Variants in SPAG16 observed in about 807,000 individuals in gnomAD.
SPAG16 encodes sperm associated antigen 16, also known as sperm-associated antigen 16 protein.
In SPAG16, 86 loss-of-function variants were observed where a neutral mutation model predicts 80.4. The observed-to-expected ratio is 1.07, with a 90% CI of 0.90 to 1.28. SPAG16 has a LOEUF of 1.28. SPAG16 is among the 50% of genes most tolerant of loss of function. The pLI, the probability that SPAG16 is intolerant of heterozygous loss-of-function variation, is 0.00. For synonymous variants in SPAG16, 294 were observed against 265.9 expected (o/e 1.11, Z -1.03); for missense variants, 870 against 765.3 (o/e 1.14, Z -1.61).
chr2:213,894,884 G>T (rs1312406648), intron 11 of SPAG16, among the ~76,000 whole-genome samples: 1 of 148,840 alleles, frequency 6.7e-6, no homozygotes, highest in Non-Finnish European at 1.5e-5. Flanking sequence ...CAGATACTTG[G>T]GAGGCTGAGG....
chr2:213,686,385 G>A (rs2064672611), intron 10 of SPAG16, among the ~76,000 whole-genome samples: 1 of 152,044 alleles, frequency 6.6e-6, no homozygotes, highest in African/African-American at 2.4e-5. Flanking sequence ...CAAAGTGCTG[G>A]GATTACAGGC....
intron 9 of SPAG16, among the ~76,000 whole-genome samples, chr2:213,480,745 T>G (rs1281636582): frequency 6.6e-6 from 1 of 152,184 alleles, no homozygotes; most frequent in Admixed American, 6.5e-5. Flanking sequence ...CCTTTGAATA[T>G]TTTTAGGTTT....
At chr2:214,113,715 C>T (rs1379093169) in intron 14 of SPAG16, among the ~76,000 whole-genome samples, 1 of 152,114 alleles carries the variant, frequency 6.6e-6, no homozygotes, top group East Asian at 1.9e-4. Context: ...TCTAGTTAGC[C>T]ATTCATCTAA....
chr2:214,259,369 T>C (rs1690950005), intron 15 of SPAG16, among the ~76,000 whole-genome samples: 1 of 149,840 alleles, frequency 6.7e-6, no homozygotes, highest in Non-Finnish European at 1.5e-5. Flanking sequence ...ATATAATATA[T>C]ATGTATATAA....
In SPAG16 at chr2:213,408,069, G is replaced by GGA. The variant is rs1219696815; in HGVS notation, c.942+32959_942+32960dup. Among the ~76,000 whole-genome samples, 3 of 150,940 alleles carry GGA rather than the reference G, an allele frequency of 2.0e-5. No homozygotes were observed. The East Asian group carries it at 5.8e-4, about 29-fold the overall frequency. On this transcript the variant is annotated intron_variant, in intron 9 of 15. Transcript: ENST00000331683. The stretch of plus-strand genomic sequence containing the variant: ...AGACAGGCAGAGAGAGGGAGAGGCA[G>GGA]GAGAGAGAGAAAGAGAAAAATAGAA...
intron 9 of SPAG16, among the ~76,000 whole-genome samples, chr2:213,404,386 C>T (rs1040788336): frequency 6.6e-6 from 1 of 152,036 alleles, no homozygotes; most frequent in Non-Finnish European, 1.5e-5. Flanking sequence ...CAGAACAGAG[C>T]CCTCAGAAAT....
At position 213,972,977 on chromosome 2, in the gene SPAG16, GAAACA is replaced by G. The variant is rs373278537; in HGVS notation, c.1401-40955_1401-40951del. The stretch of plus-strand genomic sequence containing the variant: ...GATTTTCTTGAATTCCAAGTGCTTG[GAAACA>G]AAACAAAACAAAACAAAAAAACACC... On this transcript the variant is annotated intron_variant, in intron 12 of 15. Coordinates refer to ENST00000331683, the MANE Select transcript of SPAG16 (RefSeq NM_024532.5). 4.0e-5 allele frequency among the ~76,000 whole-genome samples: 6 copies of G among 151,880 alleles called. No homozygotes were observed. The South Asian group carries it at 8.3e-4, about 21-fold the overall frequency.
At chr2:213,775,529 C>A (rs1048466166) in intron 10 of SPAG16, among the ~76,000 whole-genome samples, 2 of 152,124 alleles carry the variant, frequency 1.3e-5, no homozygotes, top group Non-Finnish European at 2.9e-5. Context: ...GTACACAGTA[C>A]AGTATTGCTA....
intron 10 of SPAG16, among the ~76,000 whole-genome samples, chr2:213,566,615 C>T (rs1369543777): frequency 6.6e-6 from 1 of 152,192 alleles, no homozygotes; most frequent in Non-Finnish European, 1.5e-5. Flanking sequence ...CCTAAGCTCA[C>T]TGTGCAACAT....
intron 13 of SPAG16, among the ~76,000 whole-genome samples, chr2:214,052,847 A>G (rs540237771): frequency 6.6e-6 from 1 of 152,302 alleles, no homozygotes; most frequent in Non-Finnish European, 1.5e-5. Context: ...AAACTTCATA[A>G]CTTACTGACT....
chr2:213,945,425 G>C (rs966845032), intron 12 of SPAG16, among the ~76,000 whole-genome samples: 5 of 151,776 alleles, frequency 3.3e-5, no homozygotes, highest in Middle Eastern at 3.2e-3. Flanking sequence ...GGAGCAAGGA[G>C]ACCCAGTCCG....
intron 15 of SPAG16, among the ~76,000 whole-genome samples, chr2:214,193,426 TGAGAGAGAGAGAGAGAGA>T (rs55774604): frequency 5.1e-5 from 7 of 136,610 alleles, no homozygotes; most frequent in African/African-American, 2.0e-4. Context: ...TGTGTGTGTA[TGAGAGAGAGAGAGAGAGA>T]GAGAGAGAGA....
chr2:213,957,402 T>C (rs1359919702), intron 12 of SPAG16, among the ~76,000 whole-genome samples: 1 of 152,180 alleles, frequency 6.6e-6, no homozygotes, highest in African/African-American at 2.4e-5. Flanking sequence ...TTAAAATTAA[T>C]GTATATTTTG....
chr2:214,283,262 T>C lies in SPAG16; in HGVS notation c.1721-126878T>C, dbSNP rs145012738. ...CATCATAATAACGTGTGTGAACCAG[T>C]CTTCTTAAAAGTGTAAAGACTTTGG... On this transcript the variant is annotated intron_variant, in intron 15 of 15. Transcript: ENST00000331683. Among the ~76,000 whole-genome samples the C allele has an allele frequency of 3.9e-4, 59 of 152,232 alleles. 1 individual carries two copies. The highest frequency in any genetic ancestry group is 1.3e-3 in the African/African-American group (54 of 41,550).
At chr2:213,736,068 A>G (rs2067268213) in intron 10 of SPAG16, among the ~76,000 whole-genome samples, 1 of 152,130 alleles carries the variant, frequency 6.6e-6, no homozygotes, top group Non-Finnish European at 1.5e-5. Context: ...AAAAATTTAA[A>G]ACCCATTTGT....
At chr2:214,015,960 AG>A (rs2124976225) in intron 13 of SPAG16, among the ~76,000 whole-genome samples, 1 of 152,300 alleles carries the variant, frequency 6.6e-6, no homozygotes, top group East Asian at 1.9e-4. Context: ...CATTAAGCAT[AG>A]GAAGTTTATC....
intron 9 of SPAG16, among the ~76,000 whole-genome samples, chr2:213,420,025 T>C (rs1249352785): frequency 6.7e-6 from 1 of 149,424 alleles, no homozygotes; most frequent in Non-Finnish European, 1.5e-5. Context: ...ATATACAAGA[T>C]ATTTTTTTAT....
chr2:213,790,217 C>A (rs2070605709), intron 10 of SPAG16, among the ~76,000 whole-genome samples: 1 of 151,794 alleles, frequency 6.6e-6, no homozygotes, highest in African/African-American at 2.4e-5. Context: ...AAATAAGATG[C>A]AATTTTTTGG....
chr2:214,129,626 T>G (rs2054662236), intron 14 of SPAG16, among the ~76,000 whole-genome samples: 1 of 152,132 alleles, frequency 6.6e-6, no homozygotes, highest in African/African-American at 2.4e-5. Flanking sequence ...AAGTTGGCAG[T>G]ATGTTTGAAG....
Sources: gnomAD v4.1 joint callset for allele counts (sites outside exome capture counted in the v4.1 genomes callset) on GRCh38, gnomAD v4.1.1 for gene constraint, MANE v1.5 for transcripts, NCBI Gene and HGNC (gene_info 2026-07-23, HGNC 2026-07-21) for gene names.